Variants in CDH18 observed in about 807,000 individuals in gnomAD.
The protein encoded by CDH18 is cadherin-18.
Under a neutral mutation model 67.9 loss-of-function variants are expected in CDH18, and 31 were observed. The ratio of observed to expected loss-of-function variants is 0.46; its 90% CI spans 0.34 to 0.62. The LOEUF is 0.62. Among genes scored for constraint, CDH18 ranks in the 20% least tolerant of loss-of-function variants. CDH18 has a pLI of 0.01. For synonymous variants in CDH18, 362 were observed against 347.2 expected (o/e 1.04, Z -0.48); for missense variants, 890 against 975.5 (o/e 0.91, Z 1.17).
At chr5:20,336,082 C>T (rs181210028) in intron 1 of CDH18, among the ~76,000 whole-genome samples, 3 of 152,122 alleles carry the variant, frequency 2.0e-5, no homozygotes, top group Admixed American at 6.5e-5. Flanking sequence ...GGTTTCTTCT[C>T]GCCTAGAGGC....
intron 3 of CDH18, among the ~76,000 whole-genome samples, chr5:19,749,694 T>C (rs1770583554): frequency 6.6e-6 from 1 of 150,994 alleles, no homozygotes; most frequent in Admixed American, 6.6e-5. Context: ...ATATATATAC[T>C]ATACACTATA....
At chr5:19,568,603 G>A (rs1030049339) in intron 8 of CDH18, among the ~76,000 whole-genome samples, 1 of 152,106 alleles carries the variant, frequency 6.6e-6, no homozygotes, top group African/African-American at 2.4e-5. Flanking sequence ...CATTCATTGT[G>A]TGATGTGTGC....
At chr5:20,173,245 A>G (rs1405783185) in intron 2 of CDH18, among the ~76,000 whole-genome samples, 1 of 152,180 alleles carries the variant, frequency 6.6e-6, no homozygotes, top group Non-Finnish European at 1.5e-5. Context: ...ATAATAACAG[A>G]TTGTGACAAT....
chr5:19,820,675 C>T (rs945439186), intron 3 of CDH18, among the ~76,000 whole-genome samples: 15 of 152,174 alleles, frequency 9.9e-5, no homozygotes, highest in African/African-American at 3.4e-4. Context: ...GGGGACCTAG[C>T]ACCAGTATTT....
At chr5:20,411,186 C>T (rs1358564051) in intron 1 of CDH18, among the ~76,000 whole-genome samples, 1 of 151,910 alleles carries the variant, frequency 6.6e-6, no homozygotes, top group African/African-American at 2.4e-5. Context: ...AGATATCACA[C>T]ATCTTGGGCT....
chr5:19,571,888 T>TTTATAAAAAAAG, intron 7 of CDH18, 56 bp from the exon 8 acceptor site: 2 of 1,355,760 alleles, frequency 1.5e-6, no homozygotes, highest in East Asian at 2.3e-5. Context: ...TATTATGACT[T>TTTATAAAAAAAG]TCATTACTTT....
chr5:20,477,282 T>A (rs540328978), intron 1 of CDH18, among the ~76,000 whole-genome samples: 1 of 152,240 alleles, frequency 6.6e-6, no homozygotes, highest in East Asian at 1.9e-4. Flanking sequence ...CACGCTCAAC[T>A]ATCTAAACAA....
At chr5:20,482,637 G>A (rs1335943022) in intron 1 of CDH18, among the ~76,000 whole-genome samples, 1 of 152,028 alleles carries the variant, frequency 6.6e-6, no homozygotes, top group African/African-American at 2.4e-5. Context: ...ATTAATCAAT[G>A]TGATATATCA....
At chr5:20,534,953 T>C (rs1052517401) in intron 1 of CDH18, among the ~76,000 whole-genome samples, 1 of 152,058 alleles carries the variant, frequency 6.6e-6, no homozygotes, top group African/African-American at 2.4e-5. Context: ...TATTTTTTGT[T>C]CTTAAGGCTC....
At chr5:19,480,782 ACT>A (rs1739298613) in intron 12 of CDH18, among the ~76,000 whole-genome samples, 1 of 151,716 alleles carries the variant, frequency 6.6e-6, no homozygotes, top group Admixed American at 6.6e-5. Context: ...ACAGAGTCTC[ACT>A]CTGTCACCCA....
chr5:20,547,016 T>C (rs1269132369), intron 1 of CDH18, among the ~76,000 whole-genome samples: 1 of 152,072 alleles, frequency 6.6e-6, no homozygotes, highest in Admixed American at 6.6e-5. Flanking sequence ...CTACACACGC[T>C]GTCTATCAAA....
intron 2 of CDH18, among the ~76,000 whole-genome samples, chr5:19,872,159 G>A (rs1488760177): frequency 6.6e-6 from 1 of 152,058 alleles, no homozygotes; most frequent in African/African-American, 2.4e-5. Context: ...GTTACATTTG[G>A]TAAACAGCCT....
intron 1 of CDH18, among the ~76,000 whole-genome samples, chr5:20,512,138 G>A (rs1250044834): frequency 3.3e-5 from 5 of 151,798 alleles, no homozygotes; most frequent in East Asian, 2.0e-4. Context: ...CAGGAGAATC[G>A]CTTGAATATG....
chr5:20,366,931 C>T (rs1467619039), intron 1 of CDH18, among the ~76,000 whole-genome samples: 1 of 152,086 alleles, frequency 6.6e-6, no homozygotes, highest in Non-Finnish European at 1.5e-5. Flanking sequence ...ACCCAGAAGG[C>T]CTCAGCTGTC....
intron 5 of CDH18, among the ~76,000 whole-genome samples, chr5:19,716,710 T>C (rs1407003990): frequency 1.3e-5 from 2 of 152,012 alleles, no homozygotes; most frequent in African/African-American, 2.4e-5. Flanking sequence ...AAAATTAAAA[T>C]ACCGAAATAC....
At chr5:19,858,832 AT>A (rs1419687062) in intron 2 of CDH18, among the ~76,000 whole-genome samples, 2 of 152,198 alleles carry the variant, frequency 1.3e-5, no homozygotes, top group Admixed American at 1.3e-4. Context: ...TTTGTTAGAT[AT>A]TACTTTTTTC....
intron 9 of CDH18, among the ~76,000 whole-genome samples, chr5:19,535,816 T>A (rs1409669681): frequency 1.3e-5 from 2 of 152,194 alleles, no homozygotes; most frequent in Non-Finnish European, 2.9e-5. Context: ...TCAGACACAT[T>A]GAAAGTTTCA....
At chr5:19,530,744 C>G (rs1359252663) in intron 9 of CDH18, among the ~76,000 whole-genome samples, 1 of 152,208 alleles carries the variant, frequency 6.6e-6, no homozygotes. Flanking sequence ...TCATCCATGT[C>G]CCTACAAAGG....
At chr5:19,619,991 C>T (rs2150137100) in intron 5 of CDH18, among the ~76,000 whole-genome samples, 1 of 151,882 alleles carries the variant, frequency 6.6e-6, no homozygotes, top group African/African-American at 2.4e-5. Flanking sequence ...TTTTATTTTA[C>T]TTATAAAGAA....
Sources: gnomAD v4.1 joint callset for allele counts (sites outside exome capture counted in the v4.1 genomes callset) on GRCh38, gnomAD v4.1.1 for gene constraint, MANE v1.5 for transcripts, NCBI Gene and HGNC (gene_info 2026-07-23, HGNC 2026-07-21) for gene names.